The following HECW1 variants were observed in gnomAD, a reference collection of about 807,000 sequenced individuals.
HECW1 encodes E3 ubiquitin-protein ligase HECW1.
A neutral mutation model predicts 182.3 loss-of-function variants in HECW1; 61 were observed. That is an observed-to-expected ratio of 0.33 (90% CI 0.27 to 0.41). The LOEUF is 0.41. Ranked by LOEUF, HECW1 falls within the 10% of genes least tolerant of loss-of-function variation. HECW1 has a pLI of 1.00. For synonymous variants in HECW1, 859 were observed against 832.6 expected (o/e 1.03, Z -0.55); for missense variants, 1,739 against 2,108.9 (o/e 0.82, Z 3.44).
rs71008898 is a variant in HECW1, at chr7:43,237,140, A to AGTAGGTAGGTAG, written c.-31-6695_-31-6684dup. On this transcript the variant is annotated intron_variant, in intron 2 of 29. Coordinates refer to ENST00000395891, the MANE Select transcript of HECW1 (RefSeq NM_015052.5). Reference sequence around the variant, plus strand: ...AAAAAAAGAAGGAAGGAAGGAAGGAAGTAGGTAGGTAGGTAGGTAGGTAGG... The same window carrying AGTAGGTAGGTAG: ...AAAAAAAGAAGGAAGGAAGGAAGGAAGTAGGTAGGTAGGTAGGTAGGTAGGTAGGTAGGTAGG... Among the ~76,000 whole-genome samples the AGTAGGTAGGTAG allele has an allele frequency of 3.0e-4, 40 of 133,970 alleles. 1 individual carries two copies. Among genetic ancestry groups the AGTAGGTAGGTAG allele is most frequent in the South Asian group, 7.6e-4 (3 of 3,962 alleles). The allele number at this position is 133,970 out of a possible 152,430, so 87.9% of individuals were successfully genotyped here.
intron 3 of HECW1, among the ~76,000 whole-genome samples, chr7:43,307,718 T>C (rs950436841): frequency 6.6e-6 from 1 of 151,868 alleles, no homozygotes; most frequent in Admixed American, 6.6e-5. Flanking sequence ...ACGAATTGCA[T>C]GTTGAGCAAT....
At chr7:43,326,330 C>G (rs1358992230) in intron 5 of HECW1, among the ~76,000 whole-genome samples, 1 of 152,230 alleles carries the variant, frequency 6.6e-6, no homozygotes, top group Non-Finnish European at 1.5e-5. Context: ...CAGGTAGGGG[C>G]TGTCGGGATC....
At chr7:43,157,659 T>C (rs776631292) in intron 2 of HECW1, among the ~76,000 whole-genome samples, 2 of 152,154 alleles carry the variant, frequency 1.3e-5, no homozygotes, top group African/African-American at 2.4e-5. Context: ...TTCCCAGGCT[T>C]AAGAGATCTT....
At chr7:43,200,296 T>C (rs1043592584) in intron 2 of HECW1, among the ~76,000 whole-genome samples, 1 of 152,234 alleles carries the variant, frequency 6.6e-6, no homozygotes, top group Non-Finnish European at 1.5e-5. Flanking sequence ...ATTGAAATAT[T>C]GTCCGTTAGT....
In HECW1 at chr7:43,445,237, A is replaced by G; in HGVS notation, c.2065A>G (p.Ser689Gly). Residue 689 changes from serine (S) to glycine (G), a missense_variant, in exon 11 of 30, where the codon AGC becomes GGC. Transcript: ENST00000395891. ...CTCGTGCTACAGCTCCTCGTGCTAC[A>G]GCACGTCCTGCTACAGCAGCTCGTG... is the stretch of plus-strand genomic sequence containing the variant. Reference protein sequence around the residue: ...SPSCYSSSCYSTSCYSSSCYS... With the variant: ...SPSCYSSSCYGTSCYSSSCYS... The G allele has an allele frequency of 1.2e-6, 2 of 1,613,228 alleles. No homozygotes were observed. The highest frequency in any genetic ancestry group is 1.3e-5 in the African/African-American group (1 of 75,034).
At chr7:43,402,368 A>G (rs575228613) in intron 7 of HECW1, among the ~76,000 whole-genome samples, 6 of 152,252 alleles carry the variant, frequency 3.9e-5, no homozygotes, top group Admixed American at 3.9e-4. Context: ...GCCCGTCTGC[A>G]TGCTCCCTCT....
rs530326413 is a variant in HECW1, at chr7:43,495,504, C to T, written c.3437+2324C>T. On this transcript the variant is annotated intron_variant, in intron 19 of 29. Transcript: ENST00000395891. ...TCTGTCATTTACTTGTGTCTCCCTACAGCACTCTAAGCTCTTTAGAGCAAG... is the reference window on the plus strand; with the variant it reads ...TCTGTCATTTACTTGTGTCTCCCTATAGCACTCTAAGCTCTTTAGAGCAAG... Among the ~76,000 whole-genome samples the T allele has an allele frequency of 2.0e-5, 3 of 152,326 alleles. 1 individual carries two copies. The South Asian group carries it at 6.2e-4, about 32-fold the overall frequency.
chr7:43,336,186 C>CTCTCTCTCTCTCTCTCCCTCTCTCTG (rs1812254049), intron 5 of HECW1, among the ~76,000 whole-genome samples: 1 of 134,934 alleles, frequency 7.4e-6, no homozygotes, highest in Non-Finnish European at 1.6e-5. Flanking sequence ...CTCTCTCTCT[C>CTCTCTCTCTCTCTCTCCCTCTCTCTG]TCTCTCTCTC....
intron 2 of HECW1, among the ~76,000 whole-genome samples, chr7:43,140,759 T>C (rs78137631): frequency 0.011 from 1,713 of 152,196 alleles, 32 homozygotes; most frequent in African/African-American, 0.04. Context: ...TCAGCAGAAA[T>C]TTATTTTCTC....
chr7:43,373,472 C>A (rs558089419), intron 6 of HECW1, among the ~76,000 whole-genome samples: 1 of 152,114 alleles, frequency 6.6e-6, no homozygotes, highest in East Asian at 1.9e-4. Flanking sequence ...TCTTTTCTTT[C>A]TTTTCCCTGT....
intron 3 of HECW1, chr7:43,274,177 C>T (rs1802788111): frequency 2.2e-6 from 1 of 459,818 alleles, no homozygotes; most frequent in Non-Finnish European, 3.8e-6. Flanking sequence ...CTCGGGTGCA[C>T]TAAAAGAGTA....
intron 2 of HECW1, among the ~76,000 whole-genome samples, chr7:43,167,695 A>C: frequency 6.6e-6 from 1 of 152,182 alleles, no homozygotes; most frequent in Non-Finnish European, 1.5e-5. Flanking sequence ...ACCTTCACAA[A>C]TTTGCTTTCC....
intron 7 of HECW1, among the ~76,000 whole-genome samples, chr7:43,405,808 G>A (rs1401265241): frequency 2.0e-5 from 3 of 152,222 alleles, no homozygotes; most frequent in Admixed American, 2.0e-4. Context: ...CTTATAAGCA[G>A]TTGAGTAGTC....
rs982896386 is a variant in HECW1 at position 43,564,243 on chromosome 7, A to G, written c.*2317A>G. On this transcript the variant is annotated 3_prime_UTR_variant, in exon 30 of 30. Transcript: ENST00000395891. ...TTATCTTTAGAACTTGGTGTTATAT[A>G]TATGTAAATACTCATTAATTCAAGC... 1.6e-5 allele frequency: 3 copies of G among 190,900 alleles called. No homozygotes were observed. The highest frequency in any genetic ancestry group is 3.3e-5 in the Non-Finnish European group (3 of 90,978). The allele number at this position is 190,900 out of a possible 1,614,324, so 11.8% of individuals were successfully genotyped here.
At chr7:43,330,781 C>G (rs1811366564) in intron 5 of HECW1, among the ~76,000 whole-genome samples, 2 of 152,048 alleles carry the variant, frequency 1.3e-5, no homozygotes, top group Non-Finnish European at 2.9e-5. Flanking sequence ...GGTTTGGGCC[C>G]TAATAGTTCT....
intron 8 of HECW1, among the ~76,000 whole-genome samples, chr7:43,410,329 G>A (rs1016035854): frequency 1.3e-5 from 2 of 152,156 alleles, no homozygotes; most frequent in Admixed American, 6.5e-5. Context: ...CCATCCACAC[G>A]TTAGAAAGAG....
At chr7:43,197,330 C>CA (rs1794553521) in intron 2 of HECW1, among the ~76,000 whole-genome samples, 1 of 152,166 alleles carries the variant, frequency 6.6e-6, no homozygotes, top group South Asian at 2.1e-4. Flanking sequence ...CCCACACACT[C>CA]ACACAGAGAA....
At chr7:43,379,162 T>A (rs908547629) in intron 6 of HECW1, among the ~76,000 whole-genome samples, 1 of 152,168 alleles carries the variant, frequency 6.6e-6, no homozygotes, top group Non-Finnish European at 1.5e-5. Flanking sequence ...CATAAGAGTG[T>A]TCCTTTAATC....
intron 2 of HECW1, among the ~76,000 whole-genome samples, chr7:43,129,121 A>G (rs1786620039): frequency 6.6e-6 from 1 of 152,256 alleles, no homozygotes; most frequent in Non-Finnish European, 1.5e-5. Flanking sequence ...TTGATAAAGC[A>G]GCAGCAGGGT....
Sources: gnomAD v4.1 joint callset for allele counts (sites outside exome capture counted in the v4.1 genomes callset) on GRCh38, gnomAD v4.1.1 for gene constraint, MANE v1.5 for transcripts, NCBI Gene and HGNC (gene_info 2026-07-23, HGNC 2026-07-21) for gene names.